The following NUP153 variants were observed in gnomAD, a reference collection of about 807,000 sequenced individuals.
The protein encoded by NUP153 is nucleoporin 153.
Under a neutral mutation model 134.6 loss-of-function variants are expected in NUP153, and 27 were observed. The observed-to-expected ratio is 0.20, with a 90% CI of 0.15 to 0.28. The LOEUF is 0.28. Ranked by LOEUF, NUP153 falls within the 10% of genes least tolerant of loss-of-function variation. The probability of loss-of-function intolerance (pLI) is 1.00; values close to 1 mark genes in which losing one functional copy is unlikely to be tolerated. For missense variants in NUP153, 1,821 were observed against 1,731.3 expected (o/e 1.05, Z -0.92); for synonymous variants, 640 against 623.5 (o/e 1.03, Z -0.40).
Position 17,706,589 on chromosome 6 carries a change from G to C in NUP153, c.-202C>G. 6 of 581,136 alleles carry C rather than the reference G, an allele frequency of 1.0e-5. No individual in the cohort carries two copies. The highest frequency in any genetic ancestry group is 8.0e-5 in the South Asian group (4 of 49,690). The allele number at this position is 581,136 out of a possible 1,614,324, so 36.0% of individuals were successfully genotyped here. Reference sequence around the variant, plus strand: ...AGGGTGAGTGCTGGCAGCGGGGAAGGGGGTGGCGGCCGCAGAGGCCGAGGA... The same window carrying C: ...AGGGTGAGTGCTGGCAGCGGGGAAGCGGGTGGCGGCCGCAGAGGCCGAGGA... On this transcript the variant is annotated 5_prime_UTR_variant, in exon 1 of 22. Coordinates refer to ENST00000262077, the MANE Select transcript of NUP153 (RefSeq NM_005124.4). The surrounding 1 kb of genome is among the most constrained non-coding windows in gnomAD (Gnocchi z 5.9).
chr6:17,623,057 G>C (rs771062146), intron 20 of NUP153, among the ~76,000 whole-genome samples: 1 of 151,168 alleles, frequency 6.6e-6, no homozygotes, highest in Non-Finnish European at 1.5e-5. Context: ...TTGAACCCGG[G>C]AAGCGGAGGT....
At chr6:17,697,613 A>AG (rs1282786500) in intron 1 of NUP153, among the ~76,000 whole-genome samples, 3 of 152,032 alleles carry the variant, frequency 2.0e-5, no homozygotes, top group African/African-American at 7.2e-5. Context: ...GCTTGAACCC[A>AG]GGAGGCAGAG....
At position 17,649,271 on chromosome 6, in the gene NUP153, G is replaced by A. The variant is rs569119412; in HGVS notation, c.1425C>T (p.Ile475=). 6.2e-7 allele frequency: 1 copy of A among 1,613,176 alleles called. No individual in the cohort carries two copies. Among genetic ancestry groups the A allele is most frequent in the South Asian group, 1.1e-5 (1 of 90,834 alleles). Reference sequence around the variant, plus strand: ...GTGAAGAACTGGTGATCGGTAGAGAGATTTTCGGTAATACTGGAACTTCCA... The same window carrying A: ...GTGAAGAACTGGTGATCGGTAGAGAAATTTTCGGTAATACTGGAACTTCCA... ...EEMEVPVLPK[I]SLPITSSSLP... Residue 475 remains isoleucine, a synonymous_variant, in exon 12 of 22, where the codon ATC becomes ATT. Coordinates refer to ENST00000262077, the MANE Select transcript of NUP153 (RefSeq NM_005124.4).
intron 2 of NUP153, among the ~76,000 whole-genome samples, chr6:17,683,009 G>GT (rs1309783580): frequency 2.0e-5 from 3 of 151,270 alleles, no homozygotes; most frequent in African/African-American, 7.3e-5. Flanking sequence ...AGATATTGCA[G>GT]TAATTCAGTC....
At chr6:17,616,789 G>T in intron 20 of NUP153, 94 bp from the exon 21 acceptor site, 2 of 1,235,022 alleles carry the variant, frequency 1.6e-6, no homozygotes, top group Non-Finnish European at 2.3e-6. Flanking sequence ...TCGCTCTCTT[G>T]CCCAGGCTGG....
chr6:17,675,389 C>T lies in NUP153; in HGVS notation c.584-21G>A. On this transcript the variant is annotated intron_variant, in intron 3 of 21. Transcript: ENST00000262077. This position sits in a 1 kb window ranked among gnomAD's most constrained non-coding sequence, Gnocchi z 4.4. ...TATATCTGAAACAAAATTACATAAT[C>T]CATAGTAATAACACCAATACAAGAG... The T allele has an allele frequency of 6.2e-7, 1 of 1,609,924 alleles. No homozygotes were observed. Among genetic ancestry groups the T allele is most frequent in the Admixed American group, 1.7e-5 (1 of 59,896 alleles).
chr6:17,640,089 C>G (rs1765760423), intron 14 of NUP153, 25 bp from the exon 15 acceptor site: 1 of 1,499,806 alleles, frequency 6.7e-7, no homozygotes, highest in African/African-American at 1.4e-5. Context: ...AATTTAATAA[C>G]ATTATGCCAA....
chr6:17,639,791 A>C (rs1765742815), intron 15 of NUP153, 148 bp downstream of exon 15: 1 of 629,584 alleles, frequency 1.6e-6, no homozygotes, highest in Non-Finnish European at 2.5e-6. Flanking sequence ...TTCCAGCAAA[A>C]GAATTACACC....
chr6:17,632,845 C>CAAAAAA lies in NUP153; in HGVS notation c.2465-2_2465-1insTTTTTT. Reference sequence around the variant, plus strand: ...CTACTTGAAGCAGGTACTGAACTTCCTAAAAAAAAAAAAAAAAACGGGGAG... The same window carrying CAAAAAA: ...CTACTTGAAGCAGGTACTGAACTTCCAAAAAATAAAAAAAAAAAAAAAAACGGGGAG... On this transcript the variant is annotated splice_acceptor_variant, in intron 16 of 21. Coordinates refer to ENST00000262077, the MANE Select transcript of NUP153 (RefSeq NM_005124.4). LOFTEE classifies it high-confidence loss of function. The CAAAAAA allele has an allele frequency of 2.0e-6, 2 of 999,352 alleles. No individual in the cohort carries two copies. Among genetic ancestry groups the CAAAAAA allele is most frequent in the Non-Finnish European group, 1.3e-6 (1 of 743,450 alleles). 61.9% of individuals were successfully genotyped at this position (999,352 alleles called of 1,614,324 possible). A position where few individuals can be genotyped will look rare whatever the true frequency, so the allele number is the denominator to read the frequency against.
intron 2 of NUP153, among the ~76,000 whole-genome samples, chr6:17,676,899 ATC>A (rs1182410852): frequency 6.6e-6 from 1 of 152,172 alleles, no homozygotes; most frequent in Admixed American, 6.5e-5. Flanking sequence ...ACATACCTAT[ATC>A]AAGACCACCT....
intron 6 of NUP153, 39 bp downstream of exon 6, chr6:17,669,391 T>C: frequency 1.3e-6 from 2 of 1,595,788 alleles, no homozygotes; most frequent in East Asian, 2.2e-5. Flanking sequence ...TATCAAGTTT[T>C]GTTACACTCC....
Position 17,675,143 on chromosome 6 carries a change from A to G in NUP153, c.723+86T>C. 6.5e-7 allele frequency: 1 copy of G among 1,542,252 alleles called. No individual in the cohort carries two copies. Among genetic ancestry groups the G allele is most frequent in the East Asian group, 2.3e-5 (1 of 44,192 alleles). On this transcript the variant is annotated intron_variant, in intron 4 of 21. Transcript: ENST00000262077. The surrounding 1 kb of genome is among the most constrained non-coding windows in gnomAD (Gnocchi z 4.4). Reference sequence around the variant, plus strand: ...ACTCAAGCCTGGGCAACAGCAAAAGACTCTTGTCTCAGAAAAAAAAAAAAA... The same window carrying G: ...ACTCAAGCCTGGGCAACAGCAAAAGGCTCTTGTCTCAGAAAAAAAAAAAAA...
rs934224733 is a variant in NUP153 at position 17,701,837 on chromosome 6, G to A, written c.111+4440C>T. ...AACAGAGCAAGACTCTGTCTCGGGG[G>A]GGGGGGGAAAAAAGCTAAATGCAGG... On this transcript the variant is annotated intron_variant, in intron 1 of 21. Transcript: ENST00000262077. 1.7e-4 allele frequency among the ~76,000 whole-genome samples: 18 copies of A among 106,752 alleles called. 1 individual carries two copies. The highest frequency in any genetic ancestry group is 7.4e-4 in the South Asian group (2 of 2,688). The allele number at this position is 106,752 out of a possible 152,430, so 70.0% of individuals were successfully genotyped here.
rs78321985 is a variant in NUP153 at position 17,640,086 on chromosome 6, T to A, written c.1721-22A>T. 5,413 of 1,522,498 alleles carry A rather than the reference T, an allele frequency of 3.6e-3. 162 individuals are homozygous for A. In the African/African-American group the frequency reaches 0.064, roughly 18 times the overall value. 94.3% of individuals were successfully genotyped at this position (1,522,498 alleles called of 1,614,324 possible). A position where few individuals can be genotyped will look rare whatever the true frequency, so the allele number is the denominator to read the frequency against. On this transcript the variant is annotated intron_variant, in intron 14 of 21. Coordinates refer to ENST00000262077, the MANE Select transcript of NUP153 (RefSeq NM_005124.4). ...TGAGCTGTAATTTTTTTAAATTTAA[T>A]AACATTATGCCAAATAAAACACTGG...
At chr6:17,663,258 C>CATATAT (rs1203381644) in intron 9 of NUP153, among the ~76,000 whole-genome samples, 4 of 129,650 alleles carry the variant, frequency 3.1e-5, no homozygotes, top group African/African-American at 5.6e-5. Flanking sequence ...CACACACACA[C>CATATAT]ACATATATAT....
chr6:17,666,108 T>C lies in NUP153; in HGVS notation c.1069-723A>G, dbSNP rs190821453. Reference sequence around the variant, plus strand: ...TCAAAGAGTGCTGGGATTACAGGCATGAGCCACTGCACCTGGCCCAGAGTG... The same window carrying C: ...TCAAAGAGTGCTGGGATTACAGGCACGAGCCACTGCACCTGGCCCAGAGTG... On this transcript the variant is annotated intron_variant, in intron 8 of 21. Transcript: ENST00000262077. Among the ~76,000 whole-genome samples the C allele has an allele frequency of 8.6e-5, 13 of 150,958 alleles. No individual in the cohort carries two copies. In the East Asian group the frequency reaches 2.6e-3, roughly 31 times the overall value.
intron 14 of NUP153, among the ~76,000 whole-genome samples, chr6:17,641,519 G>A (rs910793414): frequency 6.6e-6 from 1 of 152,040 alleles, no homozygotes; most frequent in African/African-American, 2.4e-5. Context: ...TGGTGACAGA[G>A]CGAGACTCCG....
rs1419909977 is a variant in NUP153, at chr6:17,618,750, T to G, written c.4175-2055A>C. Among the ~76,000 whole-genome samples the G allele has an allele frequency of 2.0e-5, 3 of 152,022 alleles. No homozygotes were observed. The South Asian group carries it at 6.2e-4, about 31-fold the overall frequency. ...CTGGCTAATTTTTTGTATTTCTTAG[T>G]AGAGATGGGGTTTCACCGTGTTAGC... is the stretch of plus-strand genomic sequence containing the variant. On this transcript the variant is annotated intron_variant, in intron 20 of 21. Coordinates refer to ENST00000262077, the MANE Select transcript of NUP153 (RefSeq NM_005124.4).
At position 17,615,806 on chromosome 6, in the gene NUP153, A is replaced by G. The variant is rs1764281652; in HGVS notation, c.*291T>C. The G allele has an allele frequency of 3.0e-6, 1 of 338,138 alleles. No homozygotes were observed. The highest frequency in any genetic ancestry group is 2.1e-5 in the African/African-American group (1 of 47,146). The allele number at this position is 338,138 out of a possible 1,614,324, so 20.9% of individuals were successfully genotyped here. ...TTCTATACAAAGCCATTCACCGTGCAGGCTCCATTCCTGGGTACAGCCAGA... is the reference window on the plus strand; with the variant it reads ...TTCTATACAAAGCCATTCACCGTGCGGGCTCCATTCCTGGGTACAGCCAGA... On this transcript the variant is annotated 3_prime_UTR_variant, in exon 22 of 22. Coordinates refer to ENST00000262077, the MANE Select transcript of NUP153 (RefSeq NM_005124.4). This position sits in a 1 kb window ranked among gnomAD's most constrained non-coding sequence, Gnocchi z 5.7.
Sources: allele counts gnomAD v4.1 joint callset (sites outside exome capture counted in the v4.1 genomes callset), GRCh38; gene constraint gnomAD v4.1.1; non-coding constraint Gnocchi (gnomAD v3.1); transcripts MANE v1.5; gene names NCBI Gene and HGNC (gene_info 2026-07-23, HGNC 2026-07-21).